Variants in ATP10B observed in about 807,000 individuals in gnomAD.
The protein encoded by ATP10B is ATPase phospholipid transporting 10B (putative).
Under a neutral mutation model 141.2 loss-of-function variants are expected in ATP10B, and 122 were observed. The ratio of observed to expected loss-of-function variants is 0.86; its 90% CI spans 0.75 to 1.00. The LOEUF is 1.00. ATP10B is among the 50% of genes least tolerant of loss of function. The pLI is 0.00. For synonymous variants in ATP10B, 685 were observed against 692.0 expected (o/e 0.99, Z 0.16); for missense variants, 1,876 against 1,825.3 (o/e 1.03, Z -0.51).
rs1479914333 is a variant in ATP10B at position 160,803,701 on chromosome 5, G to T, written c.-575-17898C>A. ...AAAAAAATAAAATAAATAAAAAGAG[G>T]TTACTTGTTCAAGGTCACATAGCTT... On this transcript the variant is annotated intron_variant, in intron 1 of 25. Transcript: ENST00000327245. Among the ~76,000 whole-genome samples the T allele has an allele frequency of 3.9e-5, 6 of 151,938 alleles. No individual in the cohort carries two copies. The East Asian group carries it at 1.2e-3, about 29-fold the overall frequency.
At chr5:160,653,568 C>CAT (rs1761114732) in intron 7 of ATP10B, among the ~76,000 whole-genome samples, 1 of 72,148 alleles carries the variant, frequency 1.4e-5, no homozygotes, top group Admixed American at 1.7e-4. Flanking sequence ...ATATATATTA[C>CAT]ATATACATAT....
At chr5:160,870,403 A>G in the ATP10B span, among the ~76,000 whole-genome samples, 25 of 150,288 alleles carry the variant, frequency 1.7e-4, no homozygotes, top group African/African-American at 5.8e-4. Context: ...AGGCAAGAAC[A>G]AACAATAAAA....
intron 1 of ATP10B, among the ~76,000 whole-genome samples, chr5:160,792,216 T>C (rs952015346): frequency 7.2e-5 from 11 of 152,316 alleles, no homozygotes; most frequent in African/African-American, 2.6e-4. Flanking sequence ...TACTGCCTTC[T>C]GGAATGCAGG....
intron 1 of ATP10B, among the ~76,000 whole-genome samples, chr5:160,846,977 T>C (rs1341987302): frequency 1.3e-5 from 2 of 152,234 alleles, no homozygotes; most frequent in South Asian, 2.1e-4. Context: ...AACTGGCAGA[T>C]AGTAAGTACT....
chr5:160,645,670 C>A (rs1220867696), intron 8 of ATP10B, among the ~76,000 whole-genome samples: 1 of 152,206 alleles, frequency 6.6e-6, no homozygotes, highest in Non-Finnish European at 1.5e-5. Context: ...TATCCTGATG[C>A]CGTTCCTTTG....
intron 17 of ATP10B, among the ~76,000 whole-genome samples, chr5:160,615,306 G>A (rs953360876): frequency 6.6e-6 from 1 of 151,860 alleles, no homozygotes; most frequent in Non-Finnish European, 1.5e-5. Context: ...TTCTCTTCTT[G>A]CTTTCAGTTC....
chr5:160,634,975 A>T (rs1247202022), intron 11 of ATP10B, among the ~76,000 whole-genome samples: 1 of 152,168 alleles, frequency 6.6e-6, no homozygotes, highest in South Asian at 2.1e-4. Flanking sequence ...CTCCCCACTG[A>T]TTCAATATCT....
intron 2 of ATP10B, among the ~76,000 whole-genome samples, chr5:160,764,400 G>C (rs1215533487): frequency 6.6e-6 from 1 of 152,116 alleles, no homozygotes; most frequent in African/African-American, 2.4e-5. Context: ...CGCAGGGCTG[G>C]TTTAACTATA....
intron 2 of ATP10B, among the ~76,000 whole-genome samples, chr5:160,750,990 C>G (rs957753894): frequency 6.6e-6 from 1 of 152,202 alleles, no homozygotes; most frequent in East Asian, 1.9e-4. Context: ...TTCCACCCAT[C>G]CCTCCAAACA....
chr5:160,922,608 C>T, the ATP10B span, among the ~76,000 whole-genome samples: 1 of 152,086 alleles, frequency 6.6e-6, no homozygotes, highest in African/African-American at 2.4e-5. Flanking sequence ...TTCCAATGAC[C>T]CAGTACTTAA....
chr5:160,770,277 C>T (rs763907059), intron 2 of ATP10B, among the ~76,000 whole-genome samples: 6 of 151,944 alleles, frequency 3.9e-5, no homozygotes, highest in Non-Finnish European at 5.9e-5. Flanking sequence ...TGCCCTTCCT[C>T]TGCAATTTTG....
At chr5:160,624,066 G>A (rs1758490214) in intron 13 of ATP10B, among the ~76,000 whole-genome samples, 1 of 152,166 alleles carries the variant, frequency 6.6e-6, no homozygotes, top group South Asian at 2.1e-4. Flanking sequence ...ATTCCTATCA[G>A]TGTTCTGAGT....
chr5:160,685,172 GCTT>G (rs1763674734), intron 6 of ATP10B: 1 of 640,260 alleles, frequency 1.6e-6, no homozygotes, highest in East Asian at 2.8e-5. Context: ...ACCACTACTC[GCTT>G]CTTGTCTTCT....
chr5:160,768,931 GA>G (rs1351449617), intron 2 of ATP10B, among the ~76,000 whole-genome samples: 1 of 152,180 alleles, frequency 6.6e-6, no homozygotes, highest in Non-Finnish European at 1.5e-5. Context: ...GGTGAACTCT[GA>G]AAACAGGAGC....
At chr5:160,654,209 C>A (rs1298107845) in intron 7 of ATP10B, among the ~76,000 whole-genome samples, 3 of 151,724 alleles carry the variant, frequency 2.0e-5, no homozygotes, top group Non-Finnish European at 4.4e-5. Context: ...AAGCGAGCCT[C>A]CTGCCTCAAC....
intron 2 of ATP10B, among the ~76,000 whole-genome samples, chr5:160,764,248 T>TAGC (rs1554113411): frequency 2.0e-5 from 3 of 151,362 alleles, no homozygotes; most frequent in Non-Finnish European, 3.0e-5. Flanking sequence ...GGAAAGGACA[T>TAGC]AACAACAACA....
At chr5:160,897,879 TAAC>T in the ATP10B span, among the ~76,000 whole-genome samples, 2 of 152,018 alleles carry the variant, frequency 1.3e-5, no homozygotes, top group African/African-American at 2.4e-5. Context: ...GCCTCAGAAA[TAAC>T]AACACATATC....
intron 2 of ATP10B, among the ~76,000 whole-genome samples, chr5:160,769,397 C>A (rs926726759): frequency 6.6e-6 from 1 of 152,198 alleles, no homozygotes; most frequent in African/African-American, 2.4e-5. Flanking sequence ...GTACATTCTA[C>A]AAGGCCCACA....
At position 160,733,166 on chromosome 5, in the gene ATP10B, TCAC is replaced by T. The variant is rs2127796640; in HGVS notation, c.-330-16135_-330-16133del. ...TTTGTAGTTTTCATTGTAGAGATTT[TCAC>T]CTGCTCGGTTAAATTAATTTCTATG... On this transcript the variant is annotated intron_variant, in intron 2 of 25. Coordinates refer to ENST00000327245, the MANE Select transcript of ATP10B (RefSeq NM_025153.3). Among the ~76,000 whole-genome samples, 3 of 152,332 alleles carry T rather than the reference TCAC, an allele frequency of 2.0e-5. No homozygotes were observed. In the South Asian group the frequency reaches 6.2e-4, roughly 32 times the overall value.
Sources: gnomAD v4.1 joint callset for allele counts (sites outside exome capture counted in the v4.1 genomes callset) on GRCh38, gnomAD v4.1.1 for gene constraint, MANE v1.5 for transcripts, NCBI Gene and HGNC (gene_info 2026-07-23, HGNC 2026-07-21) for gene names.